Variants in GABRB1 observed in about 807,000 individuals in gnomAD.
GABRB1 encodes the protein gamma-aminobutyric acid type A receptor subunit beta1, also known as gamma-aminobutyric acid receptor subunit beta-1.
GABRB1 carries 17 observed loss-of-function variants against 51.6 expected under a neutral mutation model. The observed-to-expected ratio is 0.33, with a 90% confidence interval of 0.23 to 0.49. The LOEUF (loss-of-function observed/expected upper bound fraction) is 0.49, where lower values mean the gene tolerates loss of function less well. GABRB1 is among the 20% of genes least tolerant of loss of function. The pLI is 0.99. For missense variants in GABRB1, 410 were observed against 600.6 expected, an observed-to-expected ratio of 0.68 and a Z score of 3.32; for synonymous variants, 247 against 218.9, an observed-to-expected ratio of 1.13 and a Z score of -1.14.
At chr4:47,254,617 T>C (rs3098801) in intron 4 of GABRB1, among the ~76,000 whole-genome samples, 151,931 of 151,932 alleles carry the variant, frequency 1, 75,965 homozygotes, top group Middle Eastern at 1. Flanking sequence ...TGTGATCCGT[T>C]TGCCTTGGCC....
intron 4 of GABRB1, among the ~76,000 whole-genome samples, chr4:47,226,320 C>A (rs954839480): frequency 2.0e-5 from 3 of 152,030 alleles, no homozygotes; most frequent in Non-Finnish European, 4.4e-5. Context: ...TCAAGGAATG[C>A]CTATGAATGA....
intron 3 of GABRB1, among the ~76,000 whole-genome samples, chr4:47,065,493 TAAAG>T (rs1727036774): frequency 6.6e-6 from 1 of 152,284 alleles, no homozygotes; most frequent in Non-Finnish European, 1.5e-5. Flanking sequence ...TGAAGGAAGA[TAAAG>T]AAAGTATTGT....
chr4:47,420,941 CAA>C (rs1491472716), intron 8 of GABRB1, among the ~76,000 whole-genome samples: 19 of 106,590 alleles, frequency 1.8e-4, no homozygotes, highest in African/African-American at 4.6e-4. Context: ...CATACACACA[CAA>C]ACACACACAC....
At chr4:47,183,349 T>TATATAG (rs1719037559) in intron 4 of GABRB1, among the ~76,000 whole-genome samples, 1 of 38,514 alleles carries the variant, frequency 2.6e-5, no homozygotes, top group Non-Finnish European at 4.4e-5. Flanking sequence ...TGTGTGCATA[T>TATATAG]ATATATATAT....
rs1165237425 is a variant in GABRB1 at position 47,220,511 on chromosome 4, C to T, written c.461+59042C>T. On this transcript the variant is annotated intron_variant, in intron 4 of 8. Coordinates refer to ENST00000295454, the MANE Select transcript of GABRB1 (RefSeq NM_000812.4). ...CAAATATATATCCCTGGCTTAGCCT[C>T]TCTTGAATTTCCCAATTTCTAATGC... 3.3e-5 allele frequency among the ~76,000 whole-genome samples: 5 copies of T among 152,142 alleles called. No homozygotes were observed. In the South Asian group the frequency reaches 1.0e-3, roughly 32 times the overall value.
At chr4:47,076,005 C>A (rs1012656054) in intron 3 of GABRB1, among the ~76,000 whole-genome samples, 1 of 152,162 alleles carries the variant, frequency 6.6e-6, no homozygotes, top group Non-Finnish European at 1.5e-5. Flanking sequence ...AATCCTTGTG[C>A]AGATGAGGTT....
chr4:47,125,226 C>T (rs530654963), intron 3 of GABRB1, among the ~76,000 whole-genome samples: 1 of 152,174 alleles, frequency 6.6e-6, no homozygotes, highest in South Asian at 2.1e-4. Context: ...CTACTCCCAG[C>T]AAAGCTCTGG....
intron 4 of GABRB1, among the ~76,000 whole-genome samples, chr4:47,210,987 A>G (rs909166225): frequency 8.5e-5 from 13 of 152,218 alleles, no homozygotes; most frequent in African/African-American, 3.1e-4. Flanking sequence ...GACATGCAGC[A>G]AAGAGCTAAG....
At chr4:47,371,852 G>A (rs891174062) in intron 5 of GABRB1, among the ~76,000 whole-genome samples, 6 of 152,004 alleles carry the variant, frequency 3.9e-5, no homozygotes, top group African/African-American at 7.3e-5. Context: ...TTTGTCAGAC[G>A]GATAGATGGC....
At chr4:47,116,539 C>T (rs768000622) in intron 3 of GABRB1, among the ~76,000 whole-genome samples, 1 of 152,164 alleles carries the variant, frequency 6.6e-6, no homozygotes, top group Non-Finnish European at 1.5e-5. Flanking sequence ...GCAGCATTGT[C>T]ACTGCTAAAT....
At chr4:47,107,641 A>G (rs1443011296) in intron 3 of GABRB1, among the ~76,000 whole-genome samples, 2 of 152,132 alleles carry the variant, frequency 1.3e-5, no homozygotes, top group African/African-American at 2.4e-5. Flanking sequence ...TTGTAGGAAT[A>G]AAGTTAGTTG....
At chr4:47,124,063 C>T (rs1211995352) in intron 3 of GABRB1, among the ~76,000 whole-genome samples, 1 of 145,786 alleles carries the variant, frequency 6.9e-6, no homozygotes, top group Non-Finnish European at 1.5e-5. Flanking sequence ...ACACATCTAA[C>T]TATACATCTG....
intron 3 of GABRB1, among the ~76,000 whole-genome samples, chr4:47,043,687 G>A (rs1200368183): frequency 6.6e-6 from 1 of 152,020 alleles, no homozygotes; most frequent in Non-Finnish European, 1.5e-5. Context: ...CAATTTCACT[G>A]AGTGGAGCTT....
intron 5 of GABRB1, among the ~76,000 whole-genome samples, chr4:47,359,302 T>C (rs1050296921): frequency 1.6e-4 from 25 of 152,170 alleles, no homozygotes; most frequent in African/African-American, 5.8e-4. Flanking sequence ...TATCATTTTT[T>C]CATCTGAAGA....
intron 4 of GABRB1, among the ~76,000 whole-genome samples, chr4:47,269,961 C>CACACACACACA (rs1722795678): frequency 6.6e-6 from 1 of 151,866 alleles, no homozygotes; most frequent in South Asian, 2.1e-4. Flanking sequence ...CACACACACA[C>CACACACACACA]ACACACACAC....
intron 4 of GABRB1, among the ~76,000 whole-genome samples, chr4:47,315,177 TA>T (rs1229886702): frequency 6.6e-6 from 1 of 151,566 alleles, no homozygotes; most frequent in Non-Finnish European, 1.5e-5. Flanking sequence ...ATAAAGAACT[TA>T]AAGAAATCAA....
upstream of GABRB1, among the ~76,000 whole-genome samples, chr4:47,030,143 A>G (rs182925038): frequency 7.2e-5 from 11 of 152,266 alleles, no homozygotes; most frequent in East Asian, 2.1e-3. Context: ...GAGTCTTCCC[A>G]ATTACCCATA....
At chr4:47,302,135 A>T (rs747468969) in intron 4 of GABRB1, among the ~76,000 whole-genome samples, 1 of 152,150 alleles carries the variant, frequency 6.6e-6, no homozygotes, top group African/African-American at 2.4e-5. Context: ...CCCTCCTCTG[A>T]TATACTAAGA....
chr4:47,185,502 A>T (rs1423722736), intron 4 of GABRB1, among the ~76,000 whole-genome samples: 1 of 151,820 alleles, frequency 6.6e-6, no homozygotes, highest in East Asian at 1.9e-4. Context: ...TCCAAAGGTC[A>T]ACATCCAAAC....
Sources: allele counts gnomAD v4.1 joint callset (sites outside exome capture counted in the v4.1 genomes callset), GRCh38; gene constraint gnomAD v4.1.1; transcripts MANE v1.5; gene names NCBI Gene and HGNC (gene_info 2026-07-23, HGNC 2026-07-21).